Variants in CYTH3 observed in about 807,000 individuals in gnomAD.
The protein encoded by CYTH3 is cytohesin 3.
CYTH3 carries 23 observed loss-of-function variants against 55.1 expected under a neutral mutation model. That is an observed-to-expected ratio of 0.42 (90% CI 0.30 to 0.59). CYTH3 has a LOEUF of 0.59. Ranked by LOEUF, CYTH3 falls within the 20% of genes least tolerant of loss-of-function variation. The pLI is 0.20. For missense variants in CYTH3, 413 were observed against 524.8 expected (o/e 0.79, Z 2.08); for synonymous variants, 249 against 194.9 (o/e 1.28, Z -2.31).
intron 1 of CYTH3, among the ~76,000 whole-genome samples, chr7:6,208,580 G>C (rs1784251480): frequency 1.3e-5 from 2 of 152,126 alleles, no homozygotes; most frequent in South Asian, 4.1e-4. Context: ...GGATCTCACT[G>C]TCACCCAGGT....
rs554150298 is a variant in CYTH3 at position 6,256,030 on chromosome 7, T to C, written c.34+16444A>G. 1.8e-3 allele frequency among the ~76,000 whole-genome samples: 275 copies of C among 152,302 alleles called. 1 individual carries two copies. Among genetic ancestry groups the C allele is most frequent in the African/African-American group, 6.3e-3 (261 of 41,580 alleles). On this transcript the variant is annotated intron_variant, in intron 1 of 12. Coordinates refer to ENST00000350796, the MANE Select transcript of CYTH3 (RefSeq NM_004227.4). ...CACCCACCTCGGCCTCCCAAAGTGC[T>C]GGGATTACAGGCATGAGCCATTGCG...
At chr7:6,213,523 T>C (rs978334329) in intron 1 of CYTH3, among the ~76,000 whole-genome samples, 1 of 152,068 alleles carries the variant, frequency 6.6e-6, no homozygotes, top group Non-Finnish European at 1.5e-5. Flanking sequence ...CAGTAAAGTG[T>C]CCCCATGGTT....
chr7:6,245,152 G>C (rs968828862), intron 1 of CYTH3, among the ~76,000 whole-genome samples: 4 of 151,354 alleles, frequency 2.6e-5, no homozygotes, highest in Admixed American at 1.3e-4. Context: ...TTACAAAATT[G>C]CTACGTGAAG....
At chr7:6,186,354 T>G (rs1783649502) in intron 4 of CYTH3, among the ~76,000 whole-genome samples, 2 of 151,638 alleles carry the variant, frequency 1.3e-5, no homozygotes, top group Non-Finnish European at 2.9e-5. Context: ...TCCTCAACCC[T>G]GAAGACTCAG....
intron 1 of CYTH3, among the ~76,000 whole-genome samples, chr7:6,208,764 C>T (rs528892948): frequency 2.0e-5 from 3 of 152,148 alleles, no homozygotes; most frequent in African/African-American, 4.8e-5. Flanking sequence ...TGGTCTGAAG[C>T]GATCCTCCCT....
chr7:6,198,774 TAA>T (rs57184967), intron 1 of CYTH3, among the ~76,000 whole-genome samples: 52 of 136,794 alleles, frequency 3.8e-4, no homozygotes, highest in East Asian at 1.0e-3. Context: ...ATAAAGCTGC[TAA>T]AAAAAAAAAA....
intron 1 of CYTH3, among the ~76,000 whole-genome samples, chr7:6,228,452 G>A (rs1273051295): frequency 6.6e-6 from 1 of 152,186 alleles, no homozygotes; most frequent in Non-Finnish European, 1.5e-5. Flanking sequence ...AGAAGTCTTT[G>A]TGAGAAAAGA....
At position 6,170,688 on chromosome 7, in the gene CYTH3, G is replaced by C. The variant is rs762525917; in HGVS notation, c.712-42C>G. 6.3e-6 allele frequency: 10 copies of C among 1,595,392 alleles called. No individual in the cohort carries two copies. In the African/African-American group the frequency reaches 1.2e-4, roughly 19 times the overall value. On this transcript the variant is annotated intron_variant, in intron 8 of 12. Transcript: ENST00000350796. This position sits in a 1 kb window ranked among gnomAD's most constrained non-coding sequence, Gnocchi z 7.8. Reference sequence around the variant, plus strand: ...CAGCAGCCAGTTCAGAGACTCGGAGGAAAATGGCTGGCCGGGCAGAAAGCT... The same window carrying C: ...CAGCAGCCAGTTCAGAGACTCGGAGCAAAATGGCTGGCCGGGCAGAAAGCT...
Position 6,272,104 on chromosome 7 carries a change from C to G in CYTH3, c.34+370G>C, listed in dbSNP as rs149899882. On this transcript the variant is annotated intron_variant, in intron 1 of 12. Coordinates refer to ENST00000350796, the MANE Select transcript of CYTH3 (RefSeq NM_004227.4). ...AAGGGGGCGTCCGAAACGCCGGGCTCCGGAGGGCATGAACGCCCTTGGCGA... is the reference window on the plus strand; with the variant it reads ...AAGGGGGCGTCCGAAACGCCGGGCTGCGGAGGGCATGAACGCCCTTGGCGA... Among the ~76,000 whole-genome samples the G allele has an allele frequency of 3.5e-4, 53 of 152,310 alleles. 2 individuals are homozygous for G. In the East Asian group the frequency reaches 9.5e-3, roughly 27 times the overall value.
chr7:6,173,933 G>C (rs919766022), intron 5 of CYTH3, among the ~76,000 whole-genome samples, 200 bp from the exon 6 acceptor site: 3 of 152,056 alleles, frequency 2.0e-5, no homozygotes, highest in African/African-American at 7.2e-5. Context: ...GGGCTCAAGT[G>C]GTCCTCCCAC....
At chr7:6,177,724 C>A in intron 5 of CYTH3, 99 bp downstream of exon 5, 2 of 935,320 alleles carry the variant, frequency 2.1e-6, no homozygotes, top group South Asian at 1.4e-5. Context: ...CTCTATCATG[C>A]CTTTAGGCTG....
At chr7:6,174,681 G>A (rs1449510490) in intron 5 of CYTH3, among the ~76,000 whole-genome samples, 2 of 151,746 alleles carry the variant, frequency 1.3e-5, no homozygotes, top group African/African-American at 2.4e-5. Context: ...CCGAGTAGCT[G>A]GGACTACAGG....
At chr7:6,187,024 C>T (rs763729714) in intron 4 of CYTH3, 26 bp downstream of exon 4, 2 of 1,610,210 alleles carry the variant, frequency 1.2e-6, no homozygotes, top group South Asian at 2.2e-5. Flanking sequence ...CTCCTGCAGG[C>T]CAGAAAAGGG....
intron 12 of CYTH3, 42 bp from the exon 13 acceptor site, chr7:6,165,058 C>G (rs902884102): frequency 1.2e-6 from 2 of 1,609,748 alleles, no homozygotes; most frequent in Admixed American, 1.7e-5. Flanking sequence ...TCGTGGGTGA[C>G]ACACAGACCT....
intron 1 of CYTH3, among the ~76,000 whole-genome samples, chr7:6,196,456 CT>C (rs5882084): frequency 0.14 from 15,857 of 114,064 alleles, 1,327 homozygotes; most frequent in East Asian, 0.58. Flanking sequence ...TTCTTTTTTT[CT>C]TTTTTTTTTT....
At chr7:6,230,849 G>A (rs947227470) in intron 1 of CYTH3, among the ~76,000 whole-genome samples, 3 of 152,172 alleles carry the variant, frequency 2.0e-5, no homozygotes, top group Non-Finnish European at 2.9e-5. Context: ...AGGATTATAG[G>A]TAATGTTTAT....
chr7:6,177,634 C>T (rs1028151928), intron 5 of CYTH3, among the ~76,000 whole-genome samples, 189 bp downstream of exon 5: 2 of 152,244 alleles, frequency 1.3e-5, no homozygotes, highest in African/African-American at 4.8e-5. Context: ...CCTCTCTCCT[C>T]CCATGGACAC....
intron 1 of CYTH3, among the ~76,000 whole-genome samples, chr7:6,232,213 C>G (rs1779405879): frequency 6.6e-6 from 1 of 152,188 alleles, no homozygotes; most frequent in Non-Finnish European, 1.5e-5. Flanking sequence ...TTGAAACAAA[C>G]CAGCAGGCTA....
intron 1 of CYTH3, among the ~76,000 whole-genome samples, chr7:6,234,064 A>T (rs1277736671): frequency 6.6e-6 from 1 of 152,222 alleles, no homozygotes; most frequent in African/African-American, 2.4e-5. Flanking sequence ...CCTCAGGGCG[A>T]GGATTTTAAC....
Sources: allele counts gnomAD v4.1 joint callset (sites outside exome capture counted in the v4.1 genomes callset), GRCh38; gene constraint gnomAD v4.1.1; non-coding constraint Gnocchi (gnomAD v3.1); transcripts MANE v1.5; gene names NCBI Gene and HGNC (gene_info 2026-07-23, HGNC 2026-07-21).